The following CADM2 variants were observed in gnomAD, a reference collection of about 807,000 sequenced individuals.
CADM2 encodes the protein cell adhesion molecule 2.
A neutral mutation model predicts 49.8 loss-of-function variants in CADM2; 12 were observed. The observed-to-expected ratio is 0.24, with a 90% confidence interval of 0.15 to 0.39. CADM2 has a LOEUF of 0.39. Among genes scored for constraint, CADM2 ranks in the 10% least tolerant of loss-of-function variants. CADM2 has a pLI of 1.00. For synonymous variants in CADM2, 214 were observed against 175.4 expected, an observed-to-expected ratio of 1.22 and a Z score of -1.74; for missense variants, 378 against 492.3, an observed-to-expected ratio of 0.77 and a Z score of 2.20.
intron 1 of CADM2, among the ~76,000 whole-genome samples, chr3:85,420,934 C>T (rs999026031): frequency 6.6e-6 from 1 of 152,150 alleles, no homozygotes; most frequent in African/African-American, 2.4e-5. Context: ...GACCTCCTAA[C>T]AGCTTTGATT....
rs140635856 is a variant in CADM2 at position 85,289,467 on chromosome 3, A to G, written c.61+329799A>G. On this transcript the variant is annotated intron_variant, in intron 1 of 9. Coordinates refer to ENST00000383699, the MANE Select transcript of CADM2 (RefSeq NM_001167675.2). ...TCTATGCTTGCAATAGACTGTTAAG[A>G]TAAGAAATGTTGATTATCTGGTTAA... Among the ~76,000 whole-genome samples the G allele has an allele frequency of 5.6e-4, 86 of 152,332 alleles. 1 individual carries two copies. In the East Asian group the frequency reaches 0.015, roughly 26 times the overall value.
chr3:85,207,754 C>G (rs1206589970), intron 1 of CADM2, among the ~76,000 whole-genome samples: 7 of 152,086 alleles, frequency 4.6e-5, no homozygotes, highest in African/African-American at 1.7e-4. Flanking sequence ...AACTGGCATA[C>G]TTTTAATTTG....
intron 1 of CADM2, among the ~76,000 whole-genome samples, chr3:85,106,692 G>A (rs541693673): frequency 1.1e-3 from 171 of 152,130 alleles, no homozygotes; most frequent in Non-Finnish European, 1.9e-3. Flanking sequence ...AAACAAGTAC[G>A]GGGAAACGTA....
At chr3:85,566,215 C>G (rs1014224254) in intron 1 of CADM2, among the ~76,000 whole-genome samples, 1 of 152,090 alleles carries the variant, frequency 6.6e-6, no homozygotes, top group African/African-American at 2.4e-5. Context: ...GATCTTATCT[C>G]TCCTACTTGC....
At chr3:84,967,992 T>G (rs2107072693) in intron 1 of CADM2, among the ~76,000 whole-genome samples, 1 of 152,210 alleles carries the variant, frequency 6.6e-6, no homozygotes, top group East Asian at 1.9e-4. Context: ...GCTGAGTATT[T>G]CCCTCTGTTG....
At chr3:86,046,579 G>A (rs1267663902) in intron 8 of CADM2, among the ~76,000 whole-genome samples, 1 of 152,072 alleles carries the variant, frequency 6.6e-6, no homozygotes, top group Admixed American at 6.6e-5. Flanking sequence ...AACATCCTAT[G>A]AGGAACAGGG....
intron 1 of CADM2, among the ~76,000 whole-genome samples, chr3:85,599,248 G>A (rs2063331128): frequency 6.6e-6 from 1 of 151,950 alleles, no homozygotes; most frequent in South Asian, 2.1e-4. Flanking sequence ...AGTTACATTT[G>A]TTACAGCACA....
At chr3:85,395,713 A>G (rs970389222) in intron 1 of CADM2, among the ~76,000 whole-genome samples, 15 of 152,066 alleles carry the variant, frequency 9.9e-5, no homozygotes, top group African/African-American at 2.9e-4. Flanking sequence ...AACATTCTCA[A>G]AAGAAAATAA....
chr3:84,965,743 C>T (rs1478601066), intron 1 of CADM2, among the ~76,000 whole-genome samples: 1 of 152,072 alleles, frequency 6.6e-6, no homozygotes, highest in African/African-American at 2.4e-5. Context: ...AGGAGTTAGT[C>T]CTTTAATCTC....
intron 1 of CADM2, among the ~76,000 whole-genome samples, chr3:85,630,019 A>G (rs965307569): frequency 2.6e-5 from 4 of 152,026 alleles, no homozygotes; most frequent in African/African-American, 9.7e-5. Context: ...AGTTGACTTC[A>G]TTATCTGTGA....
At position 85,884,590 on chromosome 3, in the gene CADM2, T is replaced by A; in HGVS notation, c.391+1147T>A. On this transcript the variant is annotated intron_variant, in intron 4 of 9. Transcript: ENST00000383699. Reference sequence around the variant, plus strand: ...ATTAAATGGTGATGAGGCATAGATTTTTTAAAAAGAAAGCAGGTAGTATGT... The same window carrying A: ...ATTAAATGGTGATGAGGCATAGATTATTTAAAAAGAAAGCAGGTAGTATGT... Among the ~76,000 whole-genome samples, 2 of 152,138 alleles carry A rather than the reference T, an allele frequency of 1.3e-5. 1 individual carries two copies. Among genetic ancestry groups the A allele is most frequent in the African/African-American group, 4.8e-5 (2 of 41,434 alleles).
chr3:84,964,112 A>T (rs9849305), intron 1 of CADM2, among the ~76,000 whole-genome samples: 51,189 of 151,816 alleles, frequency 0.34, 8,862 homozygotes, highest in Non-Finnish European at 0.37. Context: ...ACATAACATG[A>T]CAAAGCTAAG....
chr3:85,952,326 T>G (rs991980304), intron 7 of CADM2, among the ~76,000 whole-genome samples: 6 of 151,006 alleles, frequency 4.0e-5, no homozygotes, highest in African/African-American at 1.2e-4. Context: ...TTTCTTATTT[T>G]CTAAGTGAGT....
intron 1 of CADM2, among the ~76,000 whole-genome samples, chr3:85,021,223 C>T (rs901629705): frequency 6.6e-6 from 1 of 151,574 alleles, no homozygotes; most frequent in Non-Finnish European, 1.5e-5. Context: ...CAAATTTTGT[C>T]GTTTTTTAAA....
At chr3:85,757,229 A>C (rs1392868321) in intron 2 of CADM2, among the ~76,000 whole-genome samples, 1 of 152,184 alleles carries the variant, frequency 6.6e-6, no homozygotes, top group Non-Finnish European at 1.5e-5. Flanking sequence ...GAAGACTATA[A>C]GAAAAGGACT....
chr3:85,566,322 C>CT (rs2062253231), intron 1 of CADM2, among the ~76,000 whole-genome samples: 1 of 151,810 alleles, frequency 6.6e-6, no homozygotes. Flanking sequence ...TAATATGGTA[C>CT]TTTAAGTGAT....
intron 1 of CADM2, among the ~76,000 whole-genome samples, chr3:85,559,685 C>CACACACACAT (rs1254675915): frequency 4.0e-5 from 6 of 150,942 alleles, no homozygotes; most frequent in African/African-American, 1.5e-4. Context: ...CACACACACA[C>CACACACACAT]ACATATATAT....
chr3:85,222,780 C>A (rs1484495717), intron 1 of CADM2, among the ~76,000 whole-genome samples: 1 of 152,080 alleles, frequency 6.6e-6, no homozygotes, highest in South Asian at 2.1e-4. Context: ...TACTATTATG[C>A]TATAGCCAAA....
chr3:85,214,725 A>G (rs963645751), intron 1 of CADM2, among the ~76,000 whole-genome samples: 4 of 151,742 alleles, frequency 2.6e-5, no homozygotes, highest in African/African-American at 4.8e-5. Flanking sequence ...GTCTCTCCCC[A>G]TGGCCACCAT....
Sources: gnomAD v4.1 joint callset for allele counts (sites outside exome capture counted in the v4.1 genomes callset) on GRCh38, gnomAD v4.1.1 for gene constraint, MANE v1.5 for transcripts, NCBI Gene and HGNC (gene_info 2026-07-23, HGNC 2026-07-21) for gene names.